The following GRIP1 variants were observed in gnomAD, a reference collection of about 807,000 sequenced individuals.
The protein encoded by GRIP1 is glutamate receptor interacting protein 1.
A neutral mutation model predicts 129.9 loss-of-function variants in GRIP1; 45 were observed. The observed-to-expected ratio is 0.35, with a 90% CI of 0.27 to 0.44. GRIP1 has a LOEUF of 0.44. Ranked by LOEUF, GRIP1 falls within the 20% of genes least tolerant of loss-of-function variation. GRIP1 has a pLI of 1.00. For missense variants in GRIP1, 1,196 were observed against 1,396.8 expected, an observed-to-expected ratio of 0.86 and a Z score of 2.29; for synonymous variants, 530 against 520.8, an observed-to-expected ratio of 1.02 and a Z score of -0.24.
intron 5 of GRIP1, among the ~76,000 whole-genome samples, chr12:66,519,207 G>C (rs573874381): frequency 7.9e-5 from 12 of 152,206 alleles, no homozygotes; most frequent in Admixed American, 2.0e-4. Flanking sequence ...TCACTTCTAC[G>C]ACAAGTGATT....
At chr12:66,598,838 T>C (rs1356680658) in intron 1 of GRIP1, among the ~76,000 whole-genome samples, 2 of 152,164 alleles carry the variant, frequency 1.3e-5, no homozygotes, top group Admixed American at 1.3e-4. Context: ...AGTTTTCTAT[T>C]TGTCAAGATT....
intron 1 of GRIP1, among the ~76,000 whole-genome samples, chr12:67,040,316 G>A (rs1383964555): frequency 1.3e-5 from 2 of 150,802 alleles, no homozygotes; most frequent in Admixed American, 1.3e-4. Context: ...ATAAGAGAAA[G>A]TATCTGTCTC....
rs550806055 is a variant in GRIP1, at chr12:66,374,875, C to A, written c.2778+2142G>T. On this transcript the variant is annotated intron_variant, in intron 22 of 24. Coordinates refer to ENST00000359742, the MANE Select transcript of GRIP1 (RefSeq NM_001366722.1). ...ACTTTAGGTAGCATCTAAGAAGGAA[C>A]ATAAAAGGTAAAACAAATATAAAAA... Among the ~76,000 whole-genome samples, 4 of 152,046 alleles carry A rather than the reference C, an allele frequency of 2.6e-5. No individual in the cohort carries two copies. In the East Asian group the frequency reaches 7.7e-4, roughly 29 times the overall value.
chr12:66,587,949 G>A (rs1396490282), intron 2 of GRIP1, among the ~76,000 whole-genome samples: 1 of 152,056 alleles, frequency 6.6e-6, no homozygotes, highest in African/African-American at 2.4e-5. Flanking sequence ...ATAGGTTTTA[G>A]AAATGTATAA....
chr12:66,859,233 A>C (rs1199102782), intron 1 of GRIP1, among the ~76,000 whole-genome samples: 2 of 137,106 alleles, frequency 1.5e-5, no homozygotes, highest in East Asian at 4.3e-4. Context: ...GAGGCCCAAA[A>C]GACTAGCATA....
chr12:66,773,893 T>C (rs1308931414), intron 1 of GRIP1, among the ~76,000 whole-genome samples: 3 of 152,160 alleles, frequency 2.0e-5, no homozygotes, highest in Admixed American at 6.6e-5. Flanking sequence ...CTTAGTGCTT[T>C]AGTTTAAGTG....
chr12:66,597,313 CA>C (rs1277324022), intron 1 of GRIP1, among the ~76,000 whole-genome samples: 6 of 151,986 alleles, frequency 3.9e-5, no homozygotes, highest in African/African-American at 1.5e-4. Context: ...TAAAATGGTT[CA>C]ATGGGCACTA....
At chr12:66,693,358 C>T (rs1324371325) in intron 1 of GRIP1, among the ~76,000 whole-genome samples, 1 of 152,176 alleles carries the variant, frequency 6.6e-6, no homozygotes, top group African/African-American at 2.4e-5. Flanking sequence ...GAGCTCATTT[C>T]ACATTGGGCC....
At chr12:66,595,225 A>G (rs544803090) in intron 2 of GRIP1, among the ~76,000 whole-genome samples, 8 of 152,338 alleles carry the variant, frequency 5.3e-5, no homozygotes, top group African/African-American at 1.4e-4. Flanking sequence ...CATAAAGAGA[A>G]GGAAAAAACA....
chr12:66,588,261 C>T (rs1037258481), intron 2 of GRIP1, among the ~76,000 whole-genome samples: 1 of 152,138 alleles, frequency 6.6e-6, no homozygotes. Flanking sequence ...CGAACTGTAA[C>T]ACAACCCGAA....
At chr12:66,912,084 G>T (rs1347496550) in intron 1 of GRIP1, among the ~76,000 whole-genome samples, 1 of 152,090 alleles carries the variant, frequency 6.6e-6, no homozygotes, top group Non-Finnish European at 1.5e-5. Context: ...ACTTTGTAAT[G>T]ATTACAACTT....
At chr12:66,645,748 C>T (rs2032310871) in intron 1 of GRIP1, among the ~76,000 whole-genome samples, 1 of 152,166 alleles carries the variant, frequency 6.6e-6, no homozygotes, top group African/African-American at 2.4e-5. Context: ...TGCATCTTCT[C>T]AAAGCATCAG....
chr12:67,041,250 G>GCATATATACATGTGTATATATC (rs1258545583), intron 1 of GRIP1, among the ~76,000 whole-genome samples: 2 of 151,106 alleles, frequency 1.3e-5, no homozygotes, highest in African/African-American at 2.4e-5. Context: ...GCACATATAT[G>GCATATATACATGTGTATATATC]CATATATACA....
At chr12:66,611,987 G>T (rs2064817376) in intron 1 of GRIP1, among the ~76,000 whole-genome samples, 1 of 152,112 alleles carries the variant, frequency 6.6e-6, no homozygotes, top group African/African-American at 2.4e-5. Flanking sequence ...TTGAAACTTG[G>T]TTCCTCCATT....
Position 66,729,000 on chromosome 12 carries a change from G to A in GRIP1, c.-420+75053C>T, listed in dbSNP as rs537394438. Among the ~76,000 whole-genome samples the A allele has an allele frequency of 7.2e-5, 11 of 151,876 alleles. No individual in the cohort carries two copies. In the East Asian group the frequency reaches 1.9e-3, roughly 27 times the overall value. On this transcript the variant is annotated intron_variant, in intron 1 of 4. Coordinates refer to the GRIP1 transcript ENST00000538373. ...AACATCCAATCACTCAAATAAAAAAGGAGCTGTGGGTTAACTAGGTTAAGG... is the reference window on the plus strand; with the variant it reads ...AACATCCAATCACTCAAATAAAAAAAGAGCTGTGGGTTAACTAGGTTAAGG...
intron 23 of GRIP1, among the ~76,000 whole-genome samples, chr12:66,362,372 C>CTTTATATATATATATATATATAAAGTTT (rs1565665253): frequency 1.3e-5 from 2 of 151,686 alleles, no homozygotes; most frequent in African/African-American, 4.9e-5. Context: ...AGGCTGGTCT[C>CTTTATATATATATATATATATAAAGTTT]CAACTCCTAA....
At chr12:66,926,314 T>C (rs900234316) in intron 1 of GRIP1, among the ~76,000 whole-genome samples, 7 of 152,166 alleles carry the variant, frequency 4.6e-5, no homozygotes, top group African/African-American at 1.4e-4. Context: ...CTATTCCAAA[T>C]AGCCCATTAG....
At chr12:66,831,624 T>C (rs1479127068) in intron 1 of GRIP1, among the ~76,000 whole-genome samples, 1 of 152,220 alleles carries the variant, frequency 6.6e-6, no homozygotes, top group East Asian at 1.9e-4. Context: ...TCTGAGAGGT[T>C]AAATAACTTT....
chr12:66,356,053 G>C (rs369028989), intron 23 of GRIP1, among the ~76,000 whole-genome samples: 1 of 152,178 alleles, frequency 6.6e-6, no homozygotes, highest in Admixed American at 6.5e-5. Flanking sequence ...ACACTGTGTG[G>C]ACACGAGAGG....
Sources: allele counts gnomAD v4.1 joint callset (sites outside exome capture counted in the v4.1 genomes callset), GRCh38; gene constraint gnomAD v4.1.1; transcripts MANE v1.5; gene names NCBI Gene and HGNC (gene_info 2026-07-23, HGNC 2026-07-21).